CNBD1: variants seen among roughly 807,000 people sequenced by gnomAD.
CNBD1 encodes the protein cyclic nucleotide binding domain containing 1.
Under a neutral mutation model 54.4 loss-of-function variants are expected in CNBD1, and 71 were observed. The observed-to-expected ratio is 1.30, with a 90% confidence interval of 1.08 to 1.59. CNBD1 has a LOEUF of 1.59. Among genes scored for constraint, CNBD1 ranks in the 40% most tolerant of loss-of-function variants. The pLI, the probability that CNBD1 is intolerant of heterozygous loss-of-function variation, is 0.00. For missense variants in CNBD1, 659 were observed against 518.0 expected (o/e 1.27, Z -2.64); for synonymous variants, 182 against 170.7 (o/e 1.07, Z -0.51).
intron 4 of CNBD1, among the ~76,000 whole-genome samples, chr8:87,138,765 A>G (rs1174722966): frequency 6.6e-6 from 1 of 152,178 alleles, no homozygotes; most frequent in East Asian, 1.9e-4. Context: ...TATAAATTGC[A>G]TAAGGTCAGG....
intron 8 of CNBD1, among the ~76,000 whole-genome samples, chr8:87,292,492 A>C (rs1365573384): frequency 6.6e-6 from 1 of 152,174 alleles, no homozygotes; most frequent in African/African-American, 2.4e-5. Context: ...TGAGAAATGG[A>C]ATGATCACTG....
At chr8:87,117,046 G>A (rs953157455) in intron 4 of CNBD1, among the ~76,000 whole-genome samples, 4 of 152,040 alleles carry the variant, frequency 2.6e-5, no homozygotes, top group South Asian at 2.1e-4. Context: ...TAAACATCAC[G>A]AAATAAATAG....
intron 5 of CNBD1, among the ~76,000 whole-genome samples, chr8:87,206,617 C>A (rs530156734): frequency 1.3e-5 from 2 of 152,196 alleles, no homozygotes; most frequent in South Asian, 4.1e-4. Flanking sequence ...AGATACTAAC[C>A]CAGATATAGG....
Position 87,004,734 on chromosome 8 carries a change from G to C in CNBD1, c.431+64980G>C, listed in dbSNP as rs151140894. ...TATCATATGCTACAGGAAGGGGTAA[G>C]AAGGAACCTAAAACTAGGTTTTAGG... On this transcript the variant is annotated intron_variant, in intron 4 of 10. Transcript: ENST00000518476. Among the ~76,000 whole-genome samples the C allele has an allele frequency of 2.2e-3, 334 of 152,166 alleles. 1 individual carries two copies. Among genetic ancestry groups the C allele is most frequent in the African/African-American group, 7.7e-3 (320 of 41,518 alleles).
At chr8:87,050,495 T>A (rs1810289411) in intron 4 of CNBD1, among the ~76,000 whole-genome samples, 1 of 152,166 alleles carries the variant, frequency 6.6e-6, no homozygotes, top group Non-Finnish European at 1.5e-5. Flanking sequence ...GAGAGATCTC[T>A]CAAAATTGCC....
chr8:86,939,773 T>G lies in CNBD1; in HGVS notation c.431+19T>G, dbSNP rs756027838. 2.9e-6 allele frequency: 4 copies of G among 1,392,020 alleles called. No homozygotes were observed. The highest frequency in any genetic ancestry group is 3.0e-5 in the African/African-American group (2 of 67,742). 86.2% of individuals were successfully genotyped at this position (1,392,020 alleles called of 1,614,324 possible). On this transcript the variant is annotated intron_variant, in intron 4 of 10. Coordinates refer to ENST00000518476, the MANE Select transcript of CNBD1 (RefSeq NM_173538.3). ...AGAAATTGTAAGTATTTAAAATATATTCCTTCTTCTAATTGAGTAATTCTT... is the reference window on the plus strand; with the variant it reads ...AGAAATTGTAAGTATTTAAAATATAGTCCTTCTTCTAATTGAGTAATTCTT...
At chr8:87,031,159 G>T (rs573037567) in intron 4 of CNBD1, among the ~76,000 whole-genome samples, 15 of 151,542 alleles carry the variant, frequency 9.9e-5, no homozygotes, top group Non-Finnish European at 2.1e-4. Flanking sequence ...AGGGAATAGG[G>T]GGTTAGAAAT....
intron 8 of CNBD1, among the ~76,000 whole-genome samples, chr8:87,345,359 C>T (rs1019444886): frequency 6.6e-6 from 1 of 152,142 alleles, no homozygotes; most frequent in South Asian, 2.1e-4. Flanking sequence ...AATGTTTCTA[C>T]TTGCTTAGCA....
At chr8:87,302,839 G>A (rs1020622699) in intron 8 of CNBD1, among the ~76,000 whole-genome samples, 31 of 151,818 alleles carry the variant, frequency 2.0e-4, no homozygotes, top group African/African-American at 6.3e-4. Flanking sequence ...TTATACACCA[G>A]CAACAGACAA....
intron 3 of CNBD1, among the ~76,000 whole-genome samples, chr8:86,922,952 G>T (rs1809299458): frequency 6.6e-6 from 1 of 152,134 alleles, no homozygotes; most frequent in South Asian, 2.1e-4. Flanking sequence ...TTGGGGATGG[G>T]GGTGAGAACA....
chr8:87,142,270 A>G (rs2130739509), intron 4 of CNBD1, among the ~76,000 whole-genome samples: 1 of 152,272 alleles, frequency 6.6e-6, no homozygotes, highest in East Asian at 1.9e-4. Context: ...CTGTGAAGAA[A>G]AGTGAGGTTG....
intron 10 of CNBD1, among the ~76,000 whole-genome samples, chr8:87,369,537 T>C (rs915452721): frequency 2.4e-4 from 36 of 152,060 alleles, no homozygotes; most frequent in Non-Finnish European, 5.1e-4. Flanking sequence ...GAAATGTCTT[T>C]ATTTCTTTTT....
At chr8:87,072,567 G>T (rs1465444433) in intron 4 of CNBD1, among the ~76,000 whole-genome samples, 1 of 148,456 alleles carries the variant, frequency 6.7e-6, no homozygotes, top group African/African-American at 2.4e-5. Context: ...CACTTATGAA[G>T]CTTAGTTTGG....
intron 2 of CNBD1, among the ~76,000 whole-genome samples, chr8:87,392,956 T>TA (rs1308837498): frequency 6.6e-6 from 1 of 151,982 alleles, no homozygotes; most frequent in African/African-American, 2.4e-5. Flanking sequence ...AACTAGTTTT[T>TA]ATTTATAAAA....
chr8:87,229,745 C>G (rs1314107774), intron 5 of CNBD1, among the ~76,000 whole-genome samples: 2 of 151,978 alleles, frequency 1.3e-5, no homozygotes, highest in Non-Finnish European at 2.9e-5. Context: ...ATACAGAAGT[C>G]AACCAAAATT....
At chr8:87,124,704 G>A (rs1435617718) in intron 4 of CNBD1, among the ~76,000 whole-genome samples, 2 of 151,658 alleles carry the variant, frequency 1.3e-5, no homozygotes, top group East Asian at 3.9e-4. Flanking sequence ...CATTCTCAAT[G>A]GTGAGAAGTT....
intron 5 of CNBD1, among the ~76,000 whole-genome samples, chr8:87,212,949 A>G (rs1442529506): frequency 6.6e-6 from 1 of 152,204 alleles, no homozygotes; most frequent in African/African-American, 2.4e-5. Flanking sequence ...CTTGCAAATC[A>G]TATATCTAAT....
At chr8:87,328,284 CAT>C (rs1300267313) in intron 8 of CNBD1, among the ~76,000 whole-genome samples, 1 of 151,906 alleles carries the variant, frequency 6.6e-6, no homozygotes, top group Non-Finnish European at 1.5e-5. Context: ...CAGTTGACAA[CAT>C]ATGTGTGAAT....
intron 2 of CNBD1, among the ~76,000 whole-genome samples, chr8:87,391,287 C>T (rs1412685447): frequency 2.6e-5 from 4 of 151,716 alleles, no homozygotes; most frequent in African/African-American, 9.7e-5. Context: ...ATTGCAGATA[C>T]CTCAAATTGA....
Sources: allele counts gnomAD v4.1 joint callset (sites outside exome capture counted in the v4.1 genomes callset), GRCh38; gene constraint gnomAD v4.1.1; transcripts MANE v1.5; gene names NCBI Gene and HGNC (gene_info 2026-07-23, HGNC 2026-07-21).